Variants in CCDC91 observed in about 807,000 individuals in gnomAD.
The protein encoded by CCDC91 is coiled-coil domain-containing protein 91.
In CCDC91, 48 loss-of-function variants were observed where a neutral mutation model predicts 63.2. The observed-to-expected ratio is 0.76, with a 90% CI of 0.60 to 0.97. The LOEUF (loss-of-function observed/expected upper bound fraction) is 0.97. Among genes scored for constraint, CCDC91 ranks in the 50% least tolerant of loss-of-function variants. The pLI is 0.00. For synonymous variants in CCDC91, 167 were observed against 165.8 expected (o/e 1.01, Z -0.06); for missense variants, 500 against 494.6 (o/e 1.01, Z -0.10).
At chr12:28,230,933 A>G (rs1312203198) in intron 1 of CCDC91, among the ~76,000 whole-genome samples, 3 of 152,150 alleles carry the variant, frequency 2.0e-5, no homozygotes, top group Non-Finnish European at 4.4e-5. Flanking sequence ...CCTTTATGCC[A>G]TTATTTAATT....
intron 12 of CCDC91, among the ~76,000 whole-genome samples, chr12:28,537,851 A>G (rs1942299394): frequency 6.6e-6 from 1 of 152,172 alleles, no homozygotes; most frequent in Non-Finnish European, 1.5e-5. Context: ...GATTTCGCCC[A>G]ATAACTGCCA....
At chr12:28,209,576 G>T (rs951302952) in intron 1 of CCDC91, among the ~76,000 whole-genome samples, 2 of 151,998 alleles carry the variant, frequency 1.3e-5, no homozygotes, top group African/African-American at 4.8e-5. Flanking sequence ...GATTACAGGT[G>T]CCCGCCACCA....
chr12:28,310,856 G>A (rs1465362119), intron 6 of CCDC91, among the ~76,000 whole-genome samples: 13 of 151,856 alleles, frequency 8.6e-5, no homozygotes, highest in Non-Finnish European at 1.6e-4. Flanking sequence ...ATTCCCTGCC[G>A]AAGCATTTTT....
intron 6 of CCDC91, among the ~76,000 whole-genome samples, chr12:28,345,673 C>A (rs1346247132): frequency 6.6e-6 from 1 of 152,012 alleles, no homozygotes; most frequent in African/African-American, 2.4e-5. Flanking sequence ...CTCCTTCCTG[C>A]CATTTTTCTG....
intron 11 of CCDC91, among the ~76,000 whole-genome samples, chr12:28,478,435 T>A (rs1035261799): frequency 2.6e-5 from 4 of 152,144 alleles, no homozygotes; most frequent in Non-Finnish European, 5.9e-5. Flanking sequence ...CTGGATCCCT[T>A]CCTTACACCT....
At chr12:28,218,729 G>GTGTA (rs1555158158) in intron 1 of CCDC91, among the ~76,000 whole-genome samples, 1 of 130,696 alleles carries the variant, frequency 7.7e-6, no homozygotes, top group East Asian at 2.0e-4. Flanking sequence ...GTGTGTGTGT[G>GTGTA]TATGTATGTA....
intron 3 of CCDC91, among the ~76,000 whole-genome samples, chr12:28,283,569 G>C (rs149690923): frequency 2.0e-5 from 3 of 152,152 alleles, no homozygotes; most frequent in African/African-American, 7.2e-5. Flanking sequence ...TAATGGTTGT[G>C]TAAAGGTTGA....
chr12:28,390,517 G>T (rs1945868121), intron 7 of CCDC91, among the ~76,000 whole-genome samples: 1 of 152,076 alleles, frequency 6.6e-6, no homozygotes, highest in African/African-American at 2.4e-5. Context: ...AAAGAAAAAA[G>T]ATGATAATAT....
At chr12:28,517,095 C>T (rs1173022262) in intron 12 of CCDC91, among the ~76,000 whole-genome samples, 1 of 151,950 alleles carries the variant, frequency 6.6e-6, no homozygotes, top group Non-Finnish European at 1.5e-5. Flanking sequence ...TCATATCTCT[C>T]CTTCTCCTGT....
intron 1 of CCDC91, among the ~76,000 whole-genome samples, chr12:28,194,600 G>A (rs922938839): frequency 2.0e-5 from 3 of 151,676 alleles, no homozygotes; most frequent in African/African-American, 7.3e-5. Context: ...TGGGTTTGTG[G>A]CCTTGCTGGC....
intron 8 of CCDC91, among the ~76,000 whole-genome samples, chr12:28,428,840 G>A (rs1295658072): frequency 6.6e-6 from 1 of 152,052 alleles, no homozygotes; most frequent in Non-Finnish European, 1.5e-5. Context: ...GTTTTTGTGA[G>A]TGAACAGATG....
intron 1 of CCDC91, among the ~76,000 whole-genome samples, chr12:28,227,606 C>CT (rs1399360358): frequency 1.3e-5 from 2 of 152,006 alleles, no homozygotes; most frequent in Non-Finnish European, 2.9e-5. Context: ...CCCAAACTTG[C>CT]TTTTTCTTCC....
rs1158738396 is a variant in CCDC91 at position 28,263,691 on chromosome 12, G to T, written c.109+4249G>T. On this transcript the variant is annotated intron_variant, in intron 3 of 12. Coordinates refer to ENST00000536442, the MANE Select transcript of CCDC91 (RefSeq NM_018318.5). ...GTATTTTTAAATATTTTATAAGTAT[G>T]ACTCCCATCTCTTTATGTCTATGTT... Among the ~76,000 whole-genome samples, 3 of 151,926 alleles carry T rather than the reference G, an allele frequency of 2.0e-5. No individual in the cohort carries two copies. In the East Asian group the frequency reaches 5.8e-4, roughly 29 times the overall value.
chr12:28,302,103 GAATTT>G (rs1457050099), intron 3 of CCDC91, among the ~76,000 whole-genome samples: 2 of 151,406 alleles, frequency 1.3e-5, no homozygotes, highest in African/African-American at 4.8e-5. Flanking sequence ...TTTGAGCTCG[GAATTT>G]AATTCATTGT....
At chr12:28,248,446 G>A (rs945325024) in intron 1 of CCDC91, among the ~76,000 whole-genome samples, 1 of 152,104 alleles carries the variant, frequency 6.6e-6, no homozygotes, top group African/African-American at 2.4e-5. Context: ...AAGAAAGGAA[G>A]GGTTAGGTTG....
At chr12:28,442,555 G>T (rs2140239271) in intron 8 of CCDC91, among the ~76,000 whole-genome samples, 1 of 152,188 alleles carries the variant, frequency 6.6e-6, no homozygotes, top group East Asian at 1.9e-4. Context: ...AAAAAGATTT[G>T]TGAAGTCTGA....
intron 12 of CCDC91, among the ~76,000 whole-genome samples, chr12:28,529,469 C>G (rs774383647): frequency 6.6e-6 from 1 of 152,098 alleles, no homozygotes; most frequent in Non-Finnish European, 1.5e-5. Flanking sequence ...AGTTTTGTAA[C>G]TTTAATAGGA....
rs868532938 is a variant in CCDC91, at chr12:28,399,271, C to T, written c.762+7860C>T. ...ACATGACAGCAGCAAGGAGAAATAC[C>T]GAGCAAAGGGGGAAAAGCCCCTTTA... On this transcript the variant is annotated intron_variant, in intron 8 of 12. Coordinates refer to ENST00000536442, the MANE Select transcript of CCDC91 (RefSeq NM_018318.5). Among the ~76,000 whole-genome samples, 205 of 152,170 alleles carry T rather than the reference C, an allele frequency of 1.3e-3. 1 individual carries two copies. The highest frequency in any genetic ancestry group is 4.7e-3 in the African/African-American group (197 of 41,518).
chr12:28,201,700 G>A (rs34591739), intron 1 of CCDC91, among the ~76,000 whole-genome samples: 2 of 143,322 alleles, frequency 1.4e-5, no homozygotes, highest in African/African-American at 2.5e-5. Context: ...AGGTTGTAGC[G>A]AGCCGAGATC....
Sources: gnomAD v4.1 joint callset for allele counts (sites outside exome capture counted in the v4.1 genomes callset) on GRCh38, gnomAD v4.1.1 for gene constraint, MANE v1.5 for transcripts, NCBI Gene and HGNC (gene_info 2026-07-23, HGNC 2026-07-21) for gene names.